Variants in MYOF observed in about 807,000 individuals in gnomAD.
MYOF encodes fer-1-like 3, myoferlin.
In MYOF, 244 loss-of-function variants were observed where a neutral mutation model predicts 284.2. The observed-to-expected ratio is 0.86, with a 90% CI of 0.77 to 0.95. The LOEUF is 0.95. MYOF is among the 40% of genes least tolerant of loss of function. MYOF has a pLI of 0.00. For missense variants in MYOF, 2,496 were observed against 2,560.6 expected, an observed-to-expected ratio of 0.97 and a Z score of 0.54; for synonymous variants, 904 against 919.7, an observed-to-expected ratio of 0.98 and a Z score of 0.31.
intron 40 of MYOF, among the ~76,000 whole-genome samples, chr10:93,337,023 G>A (rs553314073): frequency 6.7e-4 from 102 of 152,102 alleles, no homozygotes; most frequent in Middle Eastern, 3.4e-3. Flanking sequence ...TGGAGTGTGA[G>A]GCTGATCCTT....
intron 1 of MYOF, chr10:93,478,416 G>A (rs1250307067): frequency 6.1e-6 from 1 of 163,768 alleles, no homozygotes; most frequent in African/African-American, 2.4e-5. Flanking sequence ...AAGCGTTGTG[G>A]CTTTCATAAT....
rs1264600502 is a variant in MYOF at position 93,366,524 on chromosome 10, C to G, written c.2621G>C (p.Trp874Ser). ...ACGTCCTACTAATCCAGAAGTACCC[C>G]ATTTTCCAAACATGAGAGCTTGATT... Reference protein sequence around the residue: ...YENQALMFGKWGTSGLVGRHK... With the variant: ...YENQALMFGKSGTSGLVGRHK... The change falls in exon 26 of 54, where the codon TGG becomes TCG. Residue 874 changes from tryptophan to serine, a missense_variant. Coordinates refer to ENST00000359263, the MANE Select transcript of MYOF (RefSeq NM_013451.4). 2.5e-6 allele frequency: 4 copies of G among 1,611,356 alleles called. No individual in the cohort carries two copies. Among genetic ancestry groups the G allele is most frequent in the Non-Finnish European group, 2.5e-6 (3 of 1,179,266 alleles).
At position 93,445,622 on chromosome 10, in the gene MYOF, T is replaced by A. The variant is rs1160728160; in HGVS notation, c.236+6428A>T. ...AACAAGGCAACCCGCTCCCAGTGCC[T>A]GAGGGGTGGGGAGGTGTCACTGCCC... On this transcript the variant is annotated intron_variant, in intron 3 of 53. Coordinates refer to ENST00000359263, the MANE Select transcript of MYOF (RefSeq NM_013451.4). Among the ~76,000 whole-genome samples, 4 of 152,334 alleles carry A rather than the reference T, an allele frequency of 2.6e-5. No individual in the cohort carries two copies. The East Asian group carries it at 5.8e-4, about 22-fold the overall frequency.
At chr10:93,366,045 G>A (rs1189965982) in intron 26 of MYOF, among the ~76,000 whole-genome samples, 1 of 152,154 alleles carries the variant, frequency 6.6e-6, no homozygotes, top group Non-Finnish European at 1.5e-5. Flanking sequence ...AAACTGACGG[G>A]GGACCTTGTT....
At chr10:93,341,339 G>C (rs1231753456) in intron 38 of MYOF, among the ~76,000 whole-genome samples, 2 of 151,236 alleles carry the variant, frequency 1.3e-5, no homozygotes, top group African/African-American at 2.4e-5. Context: ...GCAATGGCAT[G>C]ATCTCGGCTC....
At chr10:93,383,981 TC>T (rs914105210) in intron 19 of MYOF, among the ~76,000 whole-genome samples, 84 of 152,226 alleles carry the variant, frequency 5.5e-4, no homozygotes, top group African/African-American at 2.0e-3. Flanking sequence ...ACCCACAGAA[TC>T]CCTGATAGGA....
chr10:93,475,453 C>G (rs148456952), intron 1 of MYOF, among the ~76,000 whole-genome samples: 84 of 152,320 alleles, frequency 5.5e-4, no homozygotes, highest in African/African-American at 1.9e-3. Context: ...ACTGGTTGTA[C>G]TCAGGGTTCA....
At chr10:93,439,720 C>T (rs2056187094) in intron 3 of MYOF, among the ~76,000 whole-genome samples, 1 of 152,188 alleles carries the variant, frequency 6.6e-6, no homozygotes. Context: ...AAGTGCTTAA[C>T]AGTCACCTTG....
rs1478983942 is a variant in MYOF at position 93,306,928 on chromosome 10, G to A, written c.*35C>T. On this transcript the variant is annotated 3_prime_UTR_variant, in exon 54 of 54. Transcript: ENST00000359263. ...TCTACAGAGGCAGGATTCTCTCATT[G>A]CTGGATGACTCTTGAAATGAAGCCT... 5 of 1,602,594 alleles carry A rather than the reference G, an allele frequency of 3.1e-6. No individual in the cohort carries two copies. Among genetic ancestry groups the A allele is most frequent in the Admixed American group, 3.3e-5 (2 of 59,714 alleles).
Position 93,349,812 on chromosome 10 carries a change from T to C in MYOF, c.4079A>G (p.Lys1360Arg), listed in dbSNP as rs1844415557. ...CACAGAGAATCGATACTGTACCACT[T>C]TCATGAAGAGAACAGAACTTGGAAA... ...PNFPSSVLFM[K>R]VFLPKEELYM... The change falls in exon 36 of 54, where the codon AAA becomes AGA. Residue 1360 changes from lysine (K) to arginine (R), a missense_variant. Physicochemically the swap from Lys to Arg is conservative, Grantham distance 26. Around this residue, in one of 3 missense-constraint regions of MYOF, gnomAD observed 2,436 missense variants for 2,480.7 expected, o/e 0.98. Transcript: ENST00000359263. 10 of 1,614,004 alleles carry C rather than the reference T, an allele frequency of 6.2e-6. No individual in the cohort carries two copies. The highest frequency in any genetic ancestry group is 8.5e-6 in the Non-Finnish European group (10 of 1,179,950).
rs1458728755 is a variant in MYOF at position 93,333,990 on chromosome 10, G to A, written c.4564-77C>T. On this transcript the variant is annotated intron_variant, in intron 41 of 53. Transcript: ENST00000359263. ...GGGCTCCTGGGAAGTCCCCTCCTCC[G>A]CCAGGGGTGTGGGATTGAAGGATGG... The A allele has an allele frequency of 1.9e-5, 27 of 1,440,746 alleles. No homozygotes were observed. The Middle Eastern group carries it at 1.1e-3, about 61-fold the overall frequency. 89.2% of individuals were successfully genotyped at this position (1,440,746 alleles called of 1,614,324 possible).
At chr10:93,324,042 G>A (rs1332185131) in intron 46 of MYOF, among the ~76,000 whole-genome samples, 1 of 152,208 alleles carries the variant, frequency 6.6e-6, no homozygotes, top group African/African-American at 2.4e-5. Flanking sequence ...GTGGCTAGCA[G>A]GAAGGGGAGG....
Position 93,351,210 on chromosome 10 carries a change from A to G in MYOF, c.3908T>C (p.Leu1303Pro). 6.2e-7 allele frequency: 1 copy of G among 1,614,168 alleles called. No individual in the cohort carries two copies. Among genetic ancestry groups the G allele is most frequent in the Non-Finnish European group, 8.5e-7 (1 of 1,180,014 alleles). The change falls in exon 35 of 54, where the codon CTC (leucine) becomes CCC (proline). Residue 1303 changes from leucine (L) to proline (P), a missense_variant. This residue lies in a region of MYOF where 2,436 missense variants were observed against 2,480.7 expected (regional missense o/e 0.98). Coordinates refer to ENST00000359263, the MANE Select transcript of MYOF (RefSeq NM_013451.4). The stretch of plus-strand genomic sequence containing the variant: ...GGAGCAGCATACCTCAATGGCAGTG[A>G]GCTGGACCACAGGCCTGATCCCCTG... ...VPQGIRPVVQ[L>P]TAIEILAWGL...
At chr10:93,408,479 G>T (rs1373664211) in intron 7 of MYOF, among the ~76,000 whole-genome samples, 4 of 151,778 alleles carry the variant, frequency 2.6e-5, no homozygotes, top group Non-Finnish European at 4.4e-5. Flanking sequence ...GGAGGTTGCA[G>T]TGAGCCGAGA....
intron 41 of MYOF, 62 bp from the exon 42 acceptor site, chr10:93,333,975 G>A: frequency 3.2e-6 from 5 of 1,540,608 alleles, no homozygotes; most frequent in African/African-American, 1.4e-5. Flanking sequence ...GGGCTCCTGG[G>A]AAGTCCCCTC....
chr10:93,396,250 A>G (rs1847006336), intron 15 of MYOF, 26 bp from the exon 16 acceptor site: 1 of 1,502,968 alleles, frequency 6.7e-7, no homozygotes, highest in African/African-American at 1.4e-5. Flanking sequence ...AAATAAAAAA[A>G]TAAAAAATAA....
intron 38 of MYOF, chr10:93,341,800 A>G: frequency 1.6e-6 from 1 of 608,934 alleles, no homozygotes; most frequent in South Asian, 1.9e-5. Flanking sequence ...TTGTTTAAAG[A>G]TCACTTTTCA....
At chr10:93,461,292 C>T (rs1415121075) in intron 1 of MYOF, among the ~76,000 whole-genome samples, 1 of 152,158 alleles carries the variant, frequency 6.6e-6, no homozygotes, top group Non-Finnish European at 1.5e-5. Flanking sequence ...TAATCAGCTC[C>T]TTCATTCTTC....
Position 93,328,871 on chromosome 10 carries a change from G to C in MYOF, c.5023C>G (p.Gln1675Glu). 1 of 1,613,510 alleles carries C rather than the reference G, an allele frequency of 6.2e-7. No individual in the cohort carries two copies. ...AATCTGGCGACATTTTGAAGCAGCT[G>C]TGTTGGTCTCAGTTGATCTCGCCAG... ...NTWRDQLRPT[Q>E]LLQNVARFKG... The change falls in exon 45 of 54, where the codon CAG becomes GAG. Residue 1675 changes from glutamine to glutamate, a missense_variant. By Grantham distance (29) the Gln-to-Glu change is conservative. This residue lies in a region of MYOF where 2,436 missense variants were observed against 2,480.7 expected (regional missense o/e 0.98). Transcript: ENST00000359263.
Sources: gnomAD v4.1 joint callset for allele counts (sites outside exome capture counted in the v4.1 genomes callset) on GRCh38, gnomAD v4.1.1 for gene constraint, gnomAD v4.1.1 regional missense constraint, MANE v1.5 for transcripts, NCBI Gene and HGNC (gene_info 2026-07-23, HGNC 2026-07-21) for gene names.